The following DNAJC10 variants were observed in gnomAD, a reference collection of about 807,000 sequenced individuals.
DNAJC10 encodes the protein endoplasmic reticulum disulfide reductase DNAJC10.
In DNAJC10, 101 loss-of-function variants were observed where a neutral mutation model predicts 115.0. The ratio of observed to expected loss-of-function variants is 0.88; its 90% CI spans 0.75 to 1.04. The LOEUF is 1.04. Ranked by LOEUF, DNAJC10 falls within the 50% of genes least tolerant of loss-of-function variation. The pLI is 0.00. For missense variants in DNAJC10, 981 were observed against 928.8 expected (o/e 1.06, Z -0.73); for synonymous variants, 307 against 301.5 (o/e 1.02, Z -0.19).
intron 23 of DNAJC10, among the ~76,000 whole-genome samples, chr2:182,776,440 G>C (rs1431441077): frequency 6.6e-6 from 1 of 152,140 alleles, no homozygotes; most frequent in Non-Finnish European, 1.5e-5. Context: ...AGAACAAAGA[G>C]TCTATGAATG....
At position 182,781,593 on chromosome 2, in the gene DNAJC10, A is replaced by C. The variant is rs1053397366; in HGVS notation, c.*4461A>C. ...ACACTCCCACTAACAGTGTAAAAGC[A>C]TTCCTATTTCTCCACATCCTCTCCA... is the stretch of plus-strand genomic sequence containing the variant. On this transcript the variant is annotated 3_prime_UTR_variant, in exon 24 of 24. Coordinates refer to ENST00000264065, the MANE Select transcript of DNAJC10 (RefSeq NM_018981.4). 7 of 152,128 alleles carry C rather than the reference A, an allele frequency of 4.6e-5. No individual in the cohort carries two copies. The highest frequency in any genetic ancestry group is 1.0e-4 in the Non-Finnish European group (7 of 68,028). 9.4% of individuals were successfully genotyped at this position (152,128 alleles called of 1,614,324 possible). A position where few individuals can be genotyped will look rare whatever the true frequency, so the allele number is the denominator to read the frequency against.
At chr2:182,754,412 G>T (rs947260987) in intron 16 of DNAJC10, among the ~76,000 whole-genome samples, 6 of 152,184 alleles carry the variant, frequency 3.9e-5, no homozygotes, top group Non-Finnish European at 5.9e-5. Context: ...GCTTTAGAGA[G>T]AGGCTTCCTG....
chr2:182,751,992 C>A, intron 15 of DNAJC10, 80 bp from the exon 16 acceptor site: 1 of 1,261,742 alleles, frequency 7.9e-7, no homozygotes, highest in Non-Finnish European at 1.1e-6. Context: ...TCTTACTTAG[C>A]ATATTACTTG....
chr2:182,739,452 G>A, intron 11 of DNAJC10: 1 of 916,158 alleles, frequency 1.1e-6, no homozygotes, highest in African/African-American at 1.8e-5. Context: ...AACATAGATG[G>A]TTCATAATTA....
In DNAJC10 at chr2:182,784,150, A is replaced by C. The variant is rs577080063; in HGVS notation, c.*7018A>C. On this transcript the variant is annotated 3_prime_UTR_variant, in exon 24 of 24. Transcript: ENST00000264065. Reference sequence around the variant, plus strand: ...AAGACCAGCCTAGCCAACATAGTGAAACCCCATCTCTACTAAAAATACAAA... The same window carrying C: ...AAGACCAGCCTAGCCAACATAGTGACACCCCATCTCTACTAAAAATACAAA... The C allele has an allele frequency of 1.3e-5, 2 of 152,218 alleles. No individual in the cohort carries two copies. The highest frequency in any genetic ancestry group is 4.8e-5 in the African/African-American group (2 of 41,528). The allele number at this position is 152,218 out of a possible 1,614,324, so 9.4% of individuals were successfully genotyped here. A position where few individuals can be genotyped will look rare whatever the true frequency, so the allele number is the denominator to read the frequency against.
chr2:182,756,495 A>G (rs1247466674), intron 18 of DNAJC10, 26 bp downstream of exon 18: 2 of 1,584,758 alleles, frequency 1.3e-6, no homozygotes, highest in Non-Finnish European at 1.7e-6. Flanking sequence ...TTTATTTTAA[A>G]TCTTAACATT....
chr2:182,770,104 TG>T (rs1322584339), intron 22 of DNAJC10, among the ~76,000 whole-genome samples: 3 of 152,242 alleles, frequency 2.0e-5, no homozygotes, highest in African/African-American at 7.2e-5. Flanking sequence ...TTGTCAGGTT[TG>T]TCAAAGATCA....
rs1694945526 is a variant in DNAJC10 at position 182,786,353 on chromosome 2, G to A, written c.*9221G>A. 1 of 152,134 alleles carries A rather than the reference G, an allele frequency of 6.6e-6. No homozygotes were observed. The highest frequency in any genetic ancestry group is 1.5e-5 in the Non-Finnish European group (1 of 68,008). The allele number at this position is 152,134 out of a possible 1,614,324, so 9.4% of individuals were successfully genotyped here. On this transcript the variant is annotated 3_prime_UTR_variant, in exon 24 of 24. Coordinates refer to ENST00000264065, the MANE Select transcript of DNAJC10 (RefSeq NM_018981.4). ...ATTACTTCCTTTCAGCGTGGAGCCTGAGCATCATTTCACCATTTTGAGCCT... is the reference window on the plus strand; with the variant it reads ...ATTACTTCCTTTCAGCGTGGAGCCTAAGCATCATTTCACCATTTTGAGCCT...
intron 16 of DNAJC10, chr2:182,752,575 A>G (rs1381765378): frequency 1.1e-6 from 1 of 943,116 alleles, no homozygotes; most frequent in African/African-American, 1.8e-5. Flanking sequence ...AAGTTAAAAC[A>G]ATGAACAAGC....
chr2:182,761,380 T>TA (rs1426451241), intron 21 of DNAJC10, among the ~76,000 whole-genome samples: 1 of 152,184 alleles, frequency 6.6e-6, no homozygotes, highest in Non-Finnish European at 1.5e-5. Context: ...ACATTTTTCT[T>TA]ACTTTCGGTA....
chr2:182,790,296 G>C lies in DNAJC10; in HGVS notation c.*13164G>C, dbSNP rs1334956827. 1 of 152,204 alleles carries C rather than the reference G, an allele frequency of 6.6e-6. No individual in the cohort carries two copies. Among genetic ancestry groups the C allele is most frequent in the Non-Finnish European group, 1.5e-5 (1 of 68,040 alleles). 9.4% of individuals were successfully genotyped at this position (152,204 alleles called of 1,614,324 possible). A position where few individuals can be genotyped will look rare whatever the true frequency, so the allele number is the denominator to read the frequency against. On this transcript the variant is annotated 3_prime_UTR_variant, in exon 24 of 24. Coordinates refer to ENST00000264065, the MANE Select transcript of DNAJC10 (RefSeq NM_018981.4). ...CTTATAAACTTCAAGATTTGCTGAA[G>C]TACTTTGGGTGCTAAATGCTTCTAG...
chr2:182,729,085 C>G (rs1234727933), intron 7 of DNAJC10, 91 bp downstream of exon 7: 1 of 1,310,218 alleles, frequency 7.6e-7, no homozygotes. Flanking sequence ...ATTTGCAGAA[C>G]ATTTTAAGTC....
rs1486687100 is a variant in DNAJC10 at position 182,718,160 on chromosome 2, A to C, written c.74A>C (p.Tyr25Ser). ...KRIILCFLIV[Y>S]MAILVGTDQD... Reference sequence around the variant, plus strand: ...ATCATTCTCTGTTTTCTGATAGTGTATATGGCCATTTTAGTGGGCACAGAT... The same window carrying C: ...ATCATTCTCTGTTTTCTGATAGTGTCTATGGCCATTTTAGTGGGCACAGAT... The change falls in exon 3 of 24, where the codon TAT (tyrosine) becomes TCT (serine). Residue 25 changes from tyrosine to serine, a missense_variant. Transcript: ENST00000264065. The C allele has an allele frequency of 3.7e-6, 6 of 1,613,504 alleles. No individual in the cohort carries two copies. Among genetic ancestry groups the C allele is most frequent in the Non-Finnish European group, 3.4e-6 (4 of 1,179,796 alleles).
rs1449403198 is a variant in DNAJC10, at chr2:182,728,966, C to G, written c.605C>G (p.Pro202Arg). 3 of 1,613,928 alleles carry G rather than the reference C, an allele frequency of 1.9e-6. No homozygotes were observed. The African/African-American group carries it at 4.0e-5, about 22-fold the overall frequency. Residue 202 changes from proline to arginine, a missense_variant, in exon 7 of 24, where the codon CCC becomes CGC. Physicochemically the swap from Pro to Arg is moderately radical, Grantham distance 103. Coordinates refer to ENST00000264065, the MANE Select transcript of DNAJC10 (RefSeq NM_018981.4). ...LCRMKGVNSY[P>R]SLFIFRSGMA... ...CGAATGAAAGGAGTCAACAGCTATC[C>G]CAGCCTCTTCATTTTTCGGTCTGGA...
intron 14 of DNAJC10, among the ~76,000 whole-genome samples, chr2:182,746,479 G>A (rs1693869932): frequency 6.6e-6 from 1 of 151,978 alleles, no homozygotes; most frequent in Non-Finnish European, 1.5e-5. Context: ...TTTCTCTGAT[G>A]GCCAGTGATG....
rs142479060 is a variant in DNAJC10 at position 182,777,085 on chromosome 2, T to C, written c.2371-36T>C. 2,010 of 1,323,310 alleles carry C rather than the reference T, an allele frequency of 1.5e-3. 32 individuals are homozygous for C. The African/African-American group carries it at 0.027, about 18-fold the overall frequency. 82.0% of individuals were successfully genotyped at this position (1,323,310 alleles called of 1,614,324 possible). ...TTTTTAACATTACCAACTCATACTT[T>C]CTCCTTTCTCTATCGCCTTTACATT... On this transcript the variant is annotated intron_variant, in intron 23 of 23. Coordinates refer to ENST00000264065, the MANE Select transcript of DNAJC10 (RefSeq NM_018981.4).
At chr2:182,754,764 A>G (rs542862865) in intron 16 of DNAJC10, 89 of 1,237,492 alleles carry the variant, frequency 7.2e-5, no homozygotes, top group Non-Finnish European at 8.2e-5. Flanking sequence ...TTCAATGCCT[A>G]TGGTTCTCAT....
intron 5 of DNAJC10, among the ~76,000 whole-genome samples, chr2:182,725,654 G>GA (rs1394564613): frequency 6.6e-6 from 1 of 152,050 alleles, no homozygotes; most frequent in African/African-American, 2.4e-5. Flanking sequence ...AGAAGCTGCA[G>GA]AAAAAAGTTT....
At chr2:182,720,213 TA>T in intron 4 of DNAJC10, 44 bp downstream of exon 4, 2 of 1,504,978 alleles carry the variant, frequency 1.3e-6, no homozygotes, top group Non-Finnish European at 1.8e-6. Context: ...TTTATCTGAG[TA>T]AAAGAAAAGT....
Sources: gnomAD v4.1 joint callset for allele counts (sites outside exome capture counted in the v4.1 genomes callset) on GRCh38, gnomAD v4.1.1 for gene constraint, MANE v1.5 for transcripts, NCBI Gene and HGNC (gene_info 2026-07-23, HGNC 2026-07-21) for gene names.